GSK3B: variants seen among roughly 807,000 people sequenced by gnomAD.
GSK3B encodes the protein glycogen synthase kinase 3 beta, also known as glycogen synthase kinase-3 beta.
GSK3B carries 15 observed loss-of-function variants against 56.4 expected under a neutral mutation model. The observed-to-expected ratio is 0.27, with a 90% CI of 0.18 to 0.41. The LOEUF is 0.41. GSK3B is among the 10% of genes least tolerant of loss of function. The probability of loss-of-function intolerance (pLI) is 1.00; values close to 1 mark genes in which losing one functional copy is unlikely to be tolerated. For synonymous variants in GSK3B, 181 were observed against 188.9 expected (o/e 0.96, Z 0.34); for missense variants, 300 against 513.4 (o/e 0.58, Z 4.02).
At chr3:120,009,945 G>T (rs998162161) in intron 1 of GSK3B, among the ~76,000 whole-genome samples, 2 of 152,054 alleles carry the variant, frequency 1.3e-5, no homozygotes, top group African/African-American at 4.8e-5. Context: ...ATCATGGCCA[G>T]CCATCTTGAA....
intron 1 of GSK3B, among the ~76,000 whole-genome samples, chr3:120,009,268 C>T (rs1366643629): frequency 1.3e-5 from 2 of 152,186 alleles, no homozygotes. Flanking sequence ...TTGTGAAAGA[C>T]AGTGTAGCGA....
At chr3:119,868,011 G>A (rs1263202775) in intron 8 of GSK3B, among the ~76,000 whole-genome samples, 2 of 151,694 alleles carry the variant, frequency 1.3e-5, no homozygotes, top group East Asian at 1.9e-4. Flanking sequence ...GGCCAGCGAA[G>A]TATGCAGCAA....
intron 9 of GSK3B, among the ~76,000 whole-genome samples, chr3:119,845,963 G>A (rs1324771802): frequency 6.6e-6 from 1 of 152,096 alleles, no homozygotes; most frequent in Non-Finnish European, 1.5e-5. Context: ...ACAGACCAAT[G>A]GAACAGAACA....
intron 2 of GSK3B, among the ~76,000 whole-genome samples, chr3:119,961,727 C>T (rs1326719527): frequency 6.6e-6 from 1 of 151,734 alleles, no homozygotes; most frequent in Non-Finnish European, 1.5e-5. Flanking sequence ...AGGAACTTAC[C>T]TCAACAAAAT....
chr3:120,006,556 C>T (rs1311297689), intron 1 of GSK3B, among the ~76,000 whole-genome samples: 1 of 152,178 alleles, frequency 6.6e-6, no homozygotes, highest in East Asian at 1.9e-4. Flanking sequence ...GAAATCACAA[C>T]AAACTGTCTC....
chr3:120,040,987 G>A (rs772271375), intron 1 of GSK3B, among the ~76,000 whole-genome samples: 9 of 151,968 alleles, frequency 5.9e-5, no homozygotes, highest in East Asian at 1.9e-4. Context: ...CACCTAAGTC[G>A]CCAGGCAGCT....
chr3:120,070,628 C>A (rs1376609374), intron 1 of GSK3B, among the ~76,000 whole-genome samples: 4 of 151,908 alleles, frequency 2.6e-5, no homozygotes, highest in Admixed American at 2.6e-4. Flanking sequence ...TGTCTGAAAT[C>A]TTTCACTATA....
rs2058543847 is a variant in GSK3B, at chr3:120,094,237, G to A, written c.-803C>T. 4.5e-6 allele frequency: 1 copy of A among 223,474 alleles called. No individual in the cohort carries two copies. Among genetic ancestry groups the A allele is most frequent in the Non-Finnish European group, 9.0e-6 (1 of 111,202 alleles). 13.8% of individuals were successfully genotyped at this position (223,474 alleles called of 1,614,324 possible). On this transcript the variant is annotated 5_prime_UTR_variant, in exon 1 of 11. Transcript: ENST00000264235. ...TCCCTCGGGGCCCCCTCCCCCGTCC[G>A]CGGCAACAGCTCGGCCGCCCTCCCG...
chr3:120,067,114 A>T (rs1212347866), intron 1 of GSK3B, among the ~76,000 whole-genome samples: 1 of 152,162 alleles, frequency 6.6e-6, no homozygotes, highest in Non-Finnish European at 1.5e-5. Context: ...GGAATTAGAC[A>T]AGCTTTTCTA....
At chr3:120,073,320 T>G (rs1442754073) in intron 1 of GSK3B, among the ~76,000 whole-genome samples, 1 of 148,376 alleles carries the variant, frequency 6.7e-6, no homozygotes, top group Admixed American at 6.8e-5. Flanking sequence ...GCCCAGGAGG[T>G]AGGCTGCAGT....
At chr3:119,857,854 T>C (rs1187257210) in intron 9 of GSK3B, among the ~76,000 whole-genome samples, 4 of 152,234 alleles carry the variant, frequency 2.6e-5, no homozygotes, top group Admixed American at 6.5e-5. Flanking sequence ...AAATCATTCC[T>C]TGATCCATGG....
At position 119,822,763 on chromosome 3, in the gene GSK3B, TG is replaced by T. The variant is rs755322116; in HGVS notation, c.*4024del. 34 of 228,356 alleles carry T rather than the reference TG, an allele frequency of 1.5e-4. No individual in the cohort carries two copies. The highest frequency in any genetic ancestry group is 2.6e-4 in the Non-Finnish European group (30 of 115,168). 14.1% of individuals were successfully genotyped at this position (228,356 alleles called of 1,614,324 possible). A position where few individuals can be genotyped will look rare whatever the true frequency, so the allele number is the denominator to read the frequency against. On this transcript the variant is annotated 3_prime_UTR_variant, in exon 11 of 11. Coordinates refer to ENST00000264235, the MANE Select transcript of GSK3B (RefSeq NM_001146156.2). ...AAAAGTGTTTGGCTCTGTGATTAGA[TG>T]ATCACTAACATGAACAGTAGGAATC... is the stretch of plus-strand genomic sequence containing the variant.
At chr3:120,057,361 C>A (rs542322093) in intron 1 of GSK3B, among the ~76,000 whole-genome samples, 3 of 152,110 alleles carry the variant, frequency 2.0e-5, no homozygotes, top group South Asian at 4.2e-4. Context: ...CAAAATGGGT[C>A]AAAAATCTTT....
intron 2 of GSK3B, among the ~76,000 whole-genome samples, chr3:119,953,280 A>G (rs1265049900): frequency 1.4e-5 from 2 of 143,712 alleles, no homozygotes; most frequent in African/African-American, 5.4e-5. Flanking sequence ...GAAGAACGGA[A>G]GAACAAATAT....
rs887120942 is a variant in GSK3B at position 119,931,419 on chromosome 3, C to T, written c.367-7936G>A. ...TCTCTTGAGCCCGGAAGTTTAACAC[C>T]AGCCTGGGCAACATGGCGAAACCCT... On this transcript the variant is annotated intron_variant, in intron 3 of 10. Coordinates refer to ENST00000264235, the MANE Select transcript of GSK3B (RefSeq NM_001146156.2). 7.9e-5 allele frequency among the ~76,000 whole-genome samples: 12 copies of T among 152,260 alleles called. No homozygotes were observed. In the East Asian group the frequency reaches 2.1e-3, roughly 27 times the overall value.
chr3:119,974,623 C>A (rs1332686852), intron 2 of GSK3B, among the ~76,000 whole-genome samples: 1 of 152,158 alleles, frequency 6.6e-6, no homozygotes, highest in African/African-American at 2.4e-5. Flanking sequence ...ATAACCCACC[C>A]ATGTTTATGG....
chr3:119,976,846 C>T (rs2057413657), intron 2 of GSK3B, among the ~76,000 whole-genome samples: 1 of 149,772 alleles, frequency 6.7e-6, no homozygotes, highest in Non-Finnish European at 1.5e-5. Flanking sequence ...TTCAATACTG[C>T]TTTTGGCCTT....
At chr3:119,913,868 TTAA>T (rs2056757790) in intron 5 of GSK3B, among the ~76,000 whole-genome samples, 1 of 152,238 alleles carries the variant, frequency 6.6e-6, no homozygotes, top group African/African-American at 2.4e-5. Flanking sequence ...ATTTCATAAA[TTAA>T]TAAATACTAA....
At chr3:119,964,884 AT>A (rs1357596442) in intron 2 of GSK3B, among the ~76,000 whole-genome samples, 5 of 152,196 alleles carry the variant, frequency 3.3e-5, no homozygotes, top group Non-Finnish European at 7.4e-5. Context: ...GTCCAAATGC[AT>A]TAAATTGCAC....
Sources: gnomAD v4.1 joint callset for allele counts (sites outside exome capture counted in the v4.1 genomes callset) on GRCh38, gnomAD v4.1.1 for gene constraint, MANE v1.5 for transcripts, NCBI Gene and HGNC (gene_info 2026-07-23, HGNC 2026-07-21) for gene names.